Variants in B3GALT2 observed in about 807,000 individuals in gnomAD.
B3GALT2 encodes the protein beta-1,3-galactosyltransferase 2, also known as UDP-Gal:betaGlcNAc beta 1,3-galactosyltransferase, polypeptide 2.
A neutral mutation model predicts 33.5 loss-of-function variants in B3GALT2; 13 were observed. That is an observed-to-expected ratio of 0.39 (90% CI 0.25 to 0.62). The LOEUF (loss-of-function observed/expected upper bound fraction) is 0.62. Among genes scored for constraint, B3GALT2 ranks in the 20% least tolerant of loss-of-function variants. The probability of loss-of-function intolerance (pLI) is 0.53; values close to 1 mark genes in which losing one functional copy is unlikely to be tolerated. For missense variants in B3GALT2, 418 were observed against 509.1 expected (o/e 0.82, Z 1.72); for synonymous variants, 195 against 172.7 (o/e 1.13, Z -1.01).
chr1:193,183,911 G>T (rs7531808), intron 1 of B3GALT2, among the ~76,000 whole-genome samples: 3,288 of 151,870 alleles, frequency 0.022, 116 homozygotes, highest in African/African-American at 0.076. Flanking sequence ...AAGGTCAGAT[G>T]TTTGAATGGA....
chr1:193,185,566 A>G (rs1424489646), intron 1 of B3GALT2, among the ~76,000 whole-genome samples: 1 of 152,118 alleles, frequency 6.6e-6, no homozygotes, highest in East Asian at 1.9e-4. Flanking sequence ...GGACTTTGAA[A>G]AAAAAACTCT....
intron 1 of B3GALT2, among the ~76,000 whole-genome samples, chr1:193,185,301 A>G (rs958532741): frequency 2.6e-5 from 4 of 152,110 alleles, no homozygotes; most frequent in Non-Finnish European, 5.9e-5. Flanking sequence ...TAAAGCCACT[A>G]TTGATGTCCC....
Position 193,181,264 on chromosome 1 carries a change from T to C in B3GALT2, c.299A>G (p.Asn100Ser). The part of the protein sequence containing the change: ...TLRPQTATNS[N>S]NTDLSPQGVT... ...TCCTTGTGGTGACAGGTCTGTGTTA[T>C]TAGAGTTAGTTGCTGTTTGAGGCCT... Residue 100 changes from asparagine to serine, a missense_variant, in exon 2 of 2, where the codon AAT (asparagine) becomes AGT (serine). Coordinates refer to ENST00000367434, the MANE Select transcript of B3GALT2 (RefSeq NM_003783.3). 1 of 1,614,036 alleles carries C rather than the reference T, an allele frequency of 6.2e-7. No homozygotes were observed. Among genetic ancestry groups the C allele is most frequent in the Non-Finnish European group, 8.5e-7 (1 of 1,179,926 alleles).
intron 1 of B3GALT2, among the ~76,000 whole-genome samples, chr1:193,183,529 G>A (rs1013590017): frequency 2.7e-5 from 4 of 150,834 alleles, no homozygotes; most frequent in East Asian, 3.9e-4. Flanking sequence ...TGTAAGCTAA[G>A]CTGAAAATAA....
At position 193,180,281 on chromosome 1, in the gene B3GALT2, A is replaced by C; in HGVS notation, c.*13T>G. On this transcript the variant is annotated 3_prime_UTR_variant, in exon 2 of 2. Coordinates refer to ENST00000367434, the MANE Select transcript of B3GALT2 (RefSeq NM_003783.3). ...TATTTACAAATTGCACATTTGAAAA[A>C]AAATTGTCTTTTCTAATGTAGTTTA... 1 of 1,534,264 alleles carries C rather than the reference A, an allele frequency of 6.5e-7. No homozygotes were observed. Among genetic ancestry groups the C allele is most frequent in the Non-Finnish European group, 8.8e-7 (1 of 1,142,238 alleles).
Position 193,186,330 on chromosome 1 carries a change from T to C in B3GALT2, c.-432A>G, listed in dbSNP as rs1225572462. 4 of 152,520 alleles carry C rather than the reference T, an allele frequency of 2.6e-5. No homozygotes were observed. The highest frequency in any genetic ancestry group is 4.4e-5 in the Non-Finnish European group (3 of 68,042). 9.4% of individuals were successfully genotyped at this position (152,520 alleles called of 1,614,324 possible). ...TTGACTCTTCCCGACAGTTGATGCA[T>C]TGAAGCTTTTTACATCTGCTATTTT... On this transcript the variant is annotated 5_prime_UTR_variant, in exon 1 of 2. It removes an upstream start codon present in the reference 5' UTR. Coordinates refer to ENST00000367434, the MANE Select transcript of B3GALT2 (RefSeq NM_003783.3).
intron 1 of B3GALT2, among the ~76,000 whole-genome samples, chr1:193,184,292 G>T (rs1284140643): frequency 6.6e-6 from 1 of 151,696 alleles, no homozygotes; most frequent in Non-Finnish European, 1.5e-5. Flanking sequence ...TTGTTAAAAA[G>T]AATATAAAAT....
In B3GALT2 at chr1:193,186,336, CTTT is replaced by C. The variant is rs1266489879; in HGVS notation, c.-441_-439del. 4 of 152,372 alleles carry C rather than the reference CTTT, an allele frequency of 2.6e-5. No individual in the cohort carries two copies. The highest frequency in any genetic ancestry group is 5.9e-5 in the Non-Finnish European group (4 of 68,028). The allele number at this position is 152,372 out of a possible 1,614,324, so 9.4% of individuals were successfully genotyped here. ...CTTCCCGACAGTTGATGCATTGAAG[CTTT>C]TTACATCTGCTATTTTCCTGGCTGG... On this transcript the variant is annotated 5_prime_UTR_variant, in exon 1 of 2. Coordinates refer to ENST00000367434, the MANE Select transcript of B3GALT2 (RefSeq NM_003783.3).
chr1:193,182,698 A>G (rs1481162991), intron 1 of B3GALT2, among the ~76,000 whole-genome samples: 1 of 152,108 alleles, frequency 6.6e-6, no homozygotes, highest in Non-Finnish European at 1.5e-5. Context: ...AGAACTGGTT[A>G]TGTTATCTTG....
chr1:193,180,535 T>A lies in B3GALT2; in HGVS notation c.1028A>T (p.Tyr343Phe). 1.2e-6 allele frequency: 2 copies of A among 1,614,090 alleles called. No homozygotes were observed. Among genetic ancestry groups the A allele is most frequent in the South Asian group, 2.2e-5 (2 of 91,080 alleles). Reference sequence around the variant, plus strand: ...CAACTTGGCAAGACAGATCCCTACATATACATCTTCCAAGTGCAAACGGCG... The same window carrying A: ...CAACTTGGCAAGACAGATCCCTACAAATACATCTTCCAAGTGCAAACGGCG... The part of the protein sequence containing the change: ...GIRRLHLEDV[Y>F]VGICLAKLRI... The change falls in exon 2 of 2, where the codon TAT (tyrosine) becomes TTT (phenylalanine). Residue 343 changes from tyrosine to phenylalanine, a missense_variant. Transcript: ENST00000367434.
At chr1:193,182,159 T>C (rs994650253) in intron 1 of B3GALT2, among the ~76,000 whole-genome samples, 5 of 152,050 alleles carry the variant, frequency 3.3e-5, no homozygotes, top group African/African-American at 4.8e-5. Flanking sequence ...CGGTGCAAGG[T>C]TGATTATGGC....
chr1:193,182,108 G>A (rs1676727008), intron 1 of B3GALT2, among the ~76,000 whole-genome samples: 1 of 152,134 alleles, frequency 6.6e-6, no homozygotes, highest in Non-Finnish European at 1.5e-5. Flanking sequence ...ACAGTCAGAG[G>A]CCTTTTTTGT....
intron 1 of B3GALT2, among the ~76,000 whole-genome samples, chr1:193,183,794 G>A (rs937174395): frequency 6.6e-6 from 1 of 151,774 alleles, no homozygotes; most frequent in Non-Finnish European, 1.5e-5. Context: ...ACAAAGATAA[G>A]TTATCTGTTT....
At chr1:193,185,531 T>TA (rs1462910000) in intron 1 of B3GALT2, among the ~76,000 whole-genome samples, 1 of 152,118 alleles carries the variant, frequency 6.6e-6, no homozygotes. Flanking sequence ...TAAAAGCTGT[T>TA]ACATATTAAG....
chr1:193,182,704 T>C (rs1676738063), intron 1 of B3GALT2, among the ~76,000 whole-genome samples: 2 of 152,142 alleles, frequency 1.3e-5, no homozygotes, highest in Non-Finnish European at 2.9e-5. Context: ...GGTTATGTTA[T>C]CTTGCAACAA....
chr1:193,180,993 C>T lies in B3GALT2; in HGVS notation c.570G>A (p.Leu190=), dbSNP rs1210749708. The change falls in exon 2 of 2, where the codon TTG becomes TTA. Residue 190 remains leucine, a synonymous_variant. Coordinates refer to ENST00000367434, the MANE Select transcript of B3GALT2 (RefSeq NM_003783.3). ...APGIQITRIF[L]LGLSIKLNGY... ...CATTTAGCTTAATACTTAAGCCCAA[C>T]AAAAATATTCTTGTGATTTGAATAC... The T allele has an allele frequency of 6.2e-7, 1 of 1,613,552 alleles. No individual in the cohort carries two copies. The highest frequency in any genetic ancestry group is 1.1e-5 in the South Asian group (1 of 91,070).
rs901190376 is a variant in B3GALT2 at position 193,179,587 on chromosome 1, A to G, written c.*707T>C. On this transcript the variant is annotated 3_prime_UTR_variant, in exon 2 of 2. Transcript: ENST00000367434. ...AAACTTGTCTATTTTGAAACATTTA[A>G]TAACTATAAAAACTTGAGCCTGAGA... 6.6e-6 allele frequency: 1 copy of G among 152,642 alleles called. No homozygotes were observed. The highest frequency in any genetic ancestry group is 2.4e-5 in the African/African-American group (1 of 41,456). 9.5% of individuals were successfully genotyped at this position (152,642 alleles called of 1,614,324 possible).
In B3GALT2 at chr1:193,179,942, T is replaced by A. The variant is rs1432609762; in HGVS notation, c.*352A>T. 1 of 160,522 alleles carries A rather than the reference T, an allele frequency of 6.2e-6. No homozygotes were observed. The highest frequency in any genetic ancestry group is 1.4e-5 in the Non-Finnish European group (1 of 73,626). The allele number at this position is 160,522 out of a possible 1,614,324, so 9.9% of individuals were successfully genotyped here. ...GAAAAGCTTAATCTAAAATGAAGGATCTTTTGACTGTCATTTCTTGAATTA... is the reference window on the plus strand; with the variant it reads ...GAAAAGCTTAATCTAAAATGAAGGAACTTTTGACTGTCATTTCTTGAATTA... On this transcript the variant is annotated 3_prime_UTR_variant, in exon 2 of 2. Transcript: ENST00000367434.
rs1333016327 is a variant in B3GALT2 at position 193,186,001 on chromosome 1, C to T, written c.-121+18G>A. The T allele has an allele frequency of 6.6e-6, 1 of 152,238 alleles. No homozygotes were observed. Among genetic ancestry groups the T allele is most frequent in the Non-Finnish European group, 1.5e-5 (1 of 68,036 alleles). 9.4% of individuals were successfully genotyped at this position (152,238 alleles called of 1,614,324 possible). A position where few individuals can be genotyped will look rare whatever the true frequency, so the allele number is the denominator to read the frequency against. ...GTAACACATTTAAATGACTATCATACACAAGATATTGACATACCTTCCTTG... is the reference window on the plus strand; with the variant it reads ...GTAACACATTTAAATGACTATCATATACAAGATATTGACATACCTTCCTTG... On this transcript the variant is annotated intron_variant, in intron 1 of 1. Coordinates refer to ENST00000367434, the MANE Select transcript of B3GALT2 (RefSeq NM_003783.3).
Sources: gnomAD v4.1 joint callset for allele counts (sites outside exome capture counted in the v4.1 genomes callset) on GRCh38, gnomAD v4.1.1 for gene constraint, MANE v1.5 for transcripts, NCBI Gene and HGNC (gene_info 2026-07-23, HGNC 2026-07-21) for gene names.